CREM: variants seen among roughly 807,000 people sequenced by gnomAD.
CREM encodes the protein cAMP responsive element modulator.
In CREM, 13 loss-of-function variants were observed where a neutral mutation model predicts 37.3. The observed-to-expected ratio is 0.35, with a 90% CI of 0.23 to 0.55. The LOEUF (loss-of-function observed/expected upper bound fraction) is 0.55. CREM is among the 20% of genes least tolerant of loss of function. The pLI is 0.88. For synonymous variants in CREM, 124 were observed against 120.2 expected, an observed-to-expected ratio of 1.03 and a Z score of -0.21; for missense variants, 296 against 362.3, an observed-to-expected ratio of 0.82 and a Z score of 1.49.
At chr10:35,180,297 A>G (rs1482084654) in intron 5 of CREM, among the ~76,000 whole-genome samples, 1 of 152,230 alleles carries the variant, frequency 6.6e-6, no homozygotes, top group Non-Finnish European at 1.5e-5. Context: ...AAGATTTTAG[A>G]TATATTCTTT....
intron 3 of CREM, among the ~76,000 whole-genome samples, chr10:35,160,695 TAAC>T (rs147974482): frequency 0.03 from 4,543 of 152,384 alleles, 223 homozygotes; most frequent in African/African-American, 0.1. Flanking sequence ...ACTTTTGTAA[TAAC>T]ACTTAGCTTA....
intron 1 of CREM, among the ~76,000 whole-genome samples, chr10:35,132,564 C>T (rs2089628411): frequency 6.6e-6 from 1 of 152,160 alleles, no homozygotes. Flanking sequence ...AAGACATTTA[C>T]AAGTGTTTGG....
At chr10:35,140,985 A>G (rs1022176239) in intron 2 of CREM, among the ~76,000 whole-genome samples, 1 of 152,252 alleles carries the variant, frequency 6.6e-6, no homozygotes, top group Non-Finnish European at 1.5e-5. Context: ...AGTGTGGTTT[A>G]GTAATGGAGT....
At chr10:35,196,887 T>TTTTTTTTTTAAG (rs2095201607) in intron 6 of CREM, among the ~76,000 whole-genome samples, 1 of 147,950 alleles carries the variant, frequency 6.8e-6, no homozygotes, top group Non-Finnish European at 1.5e-5. Context: ...TTTTTTTTTT[T>TTTTTTTTTTAAG]GAGACGGGGT....
intron 5 of CREM, among the ~76,000 whole-genome samples, chr10:35,186,966 AT>A (rs1300021313): frequency 2.1e-5 from 2 of 95,252 alleles, no homozygotes; most frequent in East Asian, 2.8e-4. Context: ...TAAATATATA[AT>A]TTATATATTA....
chr10:35,211,599 T>C lies in CREM; in HGVS notation c.*201T>C. 1 of 1,588,330 alleles carries C rather than the reference T, an allele frequency of 6.3e-7. No individual in the cohort carries two copies. The highest frequency in any genetic ancestry group is 2.2e-5 in the East Asian group (1 of 44,600). ...CACTTACCGAGCTTACTTTGATCTG[T>C]TTGTCAATAGCATGCAAAAAATGCT... On this transcript the variant is annotated 3_prime_UTR_variant, in exon 8 of 8. Coordinates refer to ENST00000685392, the MANE Select transcript of CREM (RefSeq NM_183011.2).
intron 6 of CREM, among the ~76,000 whole-genome samples, chr10:35,200,126 G>A (rs767672660): frequency 6.6e-6 from 1 of 151,942 alleles, no homozygotes; most frequent in Non-Finnish European, 1.5e-5. Context: ...GACCTCAAGC[G>A]ATCCACCCGC....
intron 7 of CREM, among the ~76,000 whole-genome samples, chr10:35,207,997 CAA>C (rs1012243964): frequency 3.3e-5 from 5 of 152,078 alleles, no homozygotes; most frequent in Admixed American, 3.3e-4. Context: ...TTGTTAGAAA[CAA>C]AGAGCTATTT....
intron 6 of CREM, among the ~76,000 whole-genome samples, chr10:35,192,541 G>T (rs2094960630): frequency 1.3e-5 from 2 of 152,082 alleles, no homozygotes; most frequent in Admixed American, 1.3e-4. Flanking sequence ...TAGAGACGGG[G>T]TTACACCATG....
intron 5 of CREM, among the ~76,000 whole-genome samples, chr10:35,182,618 A>G (rs1176741754): frequency 6.6e-6 from 1 of 152,228 alleles, no homozygotes. Context: ...ACAAGCAGTT[A>G]CATTTTTAAT....
intron 3 of CREM, among the ~76,000 whole-genome samples, chr10:35,149,610 A>T (rs746019109): frequency 9.9e-5 from 15 of 151,932 alleles, no homozygotes; most frequent in Admixed American, 7.9e-4. Context: ...CAGTGGTGAG[A>T]CCTTTGTGGT....
At chr10:35,157,456 A>G (rs1314895817) in intron 3 of CREM, among the ~76,000 whole-genome samples, 2 of 152,006 alleles carry the variant, frequency 1.3e-5, no homozygotes, top group South Asian at 2.1e-4. Context: ...ACATGGTGAA[A>G]GCCTGTCTCT....
intron 6 of CREM, among the ~76,000 whole-genome samples, chr10:35,206,140 C>T (rs1196838794): frequency 6.7e-6 from 1 of 149,714 alleles, no homozygotes; most frequent in South Asian, 2.1e-4. Context: ...CCCAGCTACT[C>T]GGGAGGCTGA....
intron 5 of CREM, among the ~76,000 whole-genome samples, chr10:35,184,405 A>G (rs896080638): frequency 7.2e-5 from 11 of 152,238 alleles, no homozygotes; most frequent in Non-Finnish European, 1.6e-4. Context: ...CTCTGAATAC[A>G]GACAGGCCCA....
At chr10:35,162,100 A>G (rs983832086) in intron 3 of CREM, among the ~76,000 whole-genome samples, 2 of 152,278 alleles carry the variant, frequency 1.3e-5, no homozygotes, top group Admixed American at 6.5e-5. Context: ...ACCATAAAAA[A>G]GAATGAAGTG....
intron 5 of CREM, among the ~76,000 whole-genome samples, chr10:35,187,122 AAATATATT>A (rs1237626066): frequency 5.4e-4 from 41 of 76,478 alleles, no homozygotes; most frequent in African/African-American, 1.6e-3. Context: ...ATAAATATAT[AAATATATT>A]AATATATTAA....
At chr10:35,187,156 A>T (rs1205583828) in intron 5 of CREM, among the ~76,000 whole-genome samples, 1,248 of 60,584 alleles carry the variant, frequency 0.021, 40 homozygotes, top group African/African-American at 0.071. Flanking sequence ...AATATATATA[A>T]TATATATTAT....
chr10:35,203,834 A>C (rs1344418093), intron 6 of CREM, among the ~76,000 whole-genome samples: 1 of 152,032 alleles, frequency 6.6e-6, no homozygotes, highest in Non-Finnish European at 1.5e-5. Context: ...GAGTGTAATG[A>C]GCCCCTCTCT....
intron 6 of CREM, among the ~76,000 whole-genome samples, chr10:35,188,851 T>C (rs544069286): frequency 2.0e-5 from 3 of 152,014 alleles, no homozygotes; most frequent in Admixed American, 1.3e-4. Context: ...AGAGACGGGG[T>C]TTCACCATGT....
Sources: gnomAD v4.1 joint callset for allele counts (sites outside exome capture counted in the v4.1 genomes callset) on GRCh38, gnomAD v4.1.1 for gene constraint, MANE v1.5 for transcripts, NCBI Gene and HGNC (gene_info 2026-07-23, HGNC 2026-07-21) for gene names.